EFCAB8: variants seen among roughly 807,000 people sequenced by gnomAD.
EFCAB8 encodes the protein EF-hand calcium-binding domain-containing protein 8.
A neutral mutation model predicts 116.3 loss-of-function variants in EFCAB8; 100 were observed. The ratio of observed to expected loss-of-function variants is 0.86; its 90% CI spans 0.73 to 1.02. EFCAB8 has a LOEUF of 1.02. Among genes scored for constraint, EFCAB8 ranks in the 50% least tolerant of loss-of-function variants. The pLI is 0.00. For synonymous variants in EFCAB8, 558 were observed against 567.9 expected (o/e 0.98, Z 0.25); for missense variants, 1,320 against 1,416.9 (o/e 0.93, Z 1.10).
chr20:32,950,015 A>C (rs1988751695), intron 23 of EFCAB8, among the ~76,000 whole-genome samples: 1 of 131,460 alleles, frequency 7.6e-6, no homozygotes, highest in African/African-American at 2.9e-5. Context: ...CAAACAAAAC[A>C]ACAAAACAAC....
At chr20:32,892,430 C>T in intron 8 of EFCAB8, 133 bp downstream of exon 8, 1 of 734,312 alleles carries the variant, frequency 1.4e-6, no homozygotes, top group Non-Finnish European at 2.2e-6. Flanking sequence ...CCACTGGCTC[C>T]AAGGCCCCTG....
At chr20:32,932,195 C>G (rs1017688435) in intron 22 of EFCAB8, among the ~76,000 whole-genome samples, 1 of 152,046 alleles carries the variant, frequency 6.6e-6, no homozygotes, top group Non-Finnish European at 1.5e-5. Context: ...CCTGGCCAAC[C>G]TGGTGAAACC....
intron 19 of EFCAB8, among the ~76,000 whole-genome samples, chr20:32,919,189 T>C (rs928985521): frequency 8.5e-5 from 13 of 152,296 alleles, no homozygotes; most frequent in Non-Finnish European, 1.9e-4. Context: ...CAACAATCAG[T>C]GCAATAATCT....
At position 32,863,910 on chromosome 20, in the gene EFCAB8, G is replaced by A. The variant is rs1984257073; in HGVS notation, c.42+76G>A. On this transcript the variant is annotated intron_variant, in intron 2 of 26. Coordinates refer to ENST00000400522, the MANE Select transcript of EFCAB8 (RefSeq NM_001143967.2). ...ACCCAAAACCTCACTTACCAGCATG[G>A]AAGTATAGGTGTTTCTGCATCGGGG... The A allele has an allele frequency of 2.0e-6, 3 of 1,491,250 alleles. No homozygotes were observed. The African/African-American group carries it at 4.2e-5, about 21-fold the overall frequency. The allele number at this position is 1,491,250 out of a possible 1,614,324, so 92.4% of individuals were successfully genotyped here.
At chr20:32,901,812 C>T (rs1441393266) in intron 11 of EFCAB8, among the ~76,000 whole-genome samples, 2 of 152,186 alleles carry the variant, frequency 1.3e-5, no homozygotes, top group African/African-American at 2.4e-5. Flanking sequence ...CTCAGCCTCC[C>T]AAGTAGCTGG....
At chr20:32,888,162 C>A (rs568005370) in intron 6 of EFCAB8, among the ~76,000 whole-genome samples, 1 of 151,992 alleles carries the variant, frequency 6.6e-6, no homozygotes, top group Non-Finnish European at 1.5e-5. Context: ...CTCCTGGGGT[C>A]AAGGGATCTT....
At chr20:32,948,677 G>C (rs1392732372) in intron 23 of EFCAB8, among the ~76,000 whole-genome samples, 1 of 152,020 alleles carries the variant, frequency 6.6e-6, no homozygotes, top group Non-Finnish European at 1.5e-5. Context: ...ATCCAGCAAT[G>C]ATCACATAGG....
chr20:32,876,405 T>C (rs1452262157), intron 4 of EFCAB8, among the ~76,000 whole-genome samples: 2 of 152,220 alleles, frequency 1.3e-5, no homozygotes, highest in African/African-American at 4.8e-5. Flanking sequence ...CACTCAGGAA[T>C]AGGCCAGCCT....
intron 23 of EFCAB8, among the ~76,000 whole-genome samples, chr20:32,951,274 A>G (rs1050178932): frequency 6.6e-6 from 1 of 152,198 alleles, no homozygotes; most frequent in Non-Finnish European, 1.5e-5. Flanking sequence ...CAAACTAGAA[A>G]CGATTCAAAT....
At chr20:32,904,244 C>T (rs1022781698) in intron 11 of EFCAB8, among the ~76,000 whole-genome samples, 5 of 138,798 alleles carry the variant, frequency 3.6e-5, no homozygotes, top group African/African-American at 8.1e-5. Flanking sequence ...CCTCCTGCCT[C>T]GACCTGCCAA....
At chr20:32,938,211 C>T (rs779620784) in intron 22 of EFCAB8, among the ~76,000 whole-genome samples, 5 of 149,638 alleles carry the variant, frequency 3.3e-5, no homozygotes, top group African/African-American at 5.0e-5. Flanking sequence ...AAACAAAAGC[C>T]ATATGATTAT....
At chr20:32,933,159 C>T (rs1434191451) in intron 22 of EFCAB8, among the ~76,000 whole-genome samples, 1 of 152,168 alleles carries the variant, frequency 6.6e-6, no homozygotes, top group African/African-American at 2.4e-5. Flanking sequence ...CTCGTCTAAG[C>T]TCCAGTAGCA....
intron 20 of EFCAB8, among the ~76,000 whole-genome samples, chr20:32,922,430 C>T (rs751710110): frequency 2.0e-5 from 3 of 152,136 alleles, no homozygotes; most frequent in Non-Finnish European, 1.5e-5. Context: ...CACAGGCATT[C>T]GCTACATGCC....
At chr20:32,891,971 G>A (rs1294373982) in intron 7 of EFCAB8, among the ~76,000 whole-genome samples, 1 of 152,102 alleles carries the variant, frequency 6.6e-6, no homozygotes. Context: ...TGGGATCATG[G>A]GCATGAGCCA....
At chr20:32,931,443 T>C in intron 22 of EFCAB8, 107 bp downstream of exon 22, 1 of 1,340,416 alleles carries the variant, frequency 7.5e-7, no homozygotes, top group Non-Finnish European at 9.8e-7. Flanking sequence ...TACTAAAAGA[T>C]AAGAGCAAAA....
At chr20:32,869,938 T>C (rs1408479555) in intron 3 of EFCAB8, among the ~76,000 whole-genome samples, 2 of 152,212 alleles carry the variant, frequency 1.3e-5, no homozygotes, top group Admixed American at 6.5e-5. Context: ...TGTAAAGATA[T>C]CCTTTGTGCC....
intron 1 of EFCAB8, among the ~76,000 whole-genome samples, 188 bp downstream of exon 1, chr20:32,859,194 C>G (rs1416959309): frequency 6.6e-6 from 1 of 152,200 alleles, no homozygotes; most frequent in Non-Finnish European, 1.5e-5. Context: ...TCATCCCTAG[C>G]ATGTTCCCCT....
At chr20:32,952,020 G>A (rs748277858) in intron 23 of EFCAB8, among the ~76,000 whole-genome samples, 10 of 152,248 alleles carry the variant, frequency 6.6e-5, no homozygotes, top group Non-Finnish European at 1.3e-4. Flanking sequence ...AGCACTTTGG[G>A]GGGCCAAAGT....
rs1568917346 is a variant in EFCAB8, at chr20:32,898,543, T to C, written c.1008T>C (p.Asn336=). 1.4e-6 allele frequency: 1 copy of C among 718,504 alleles called. No homozygotes were observed. The highest frequency in any genetic ancestry group is 1.5e-5 in the South Asian group (1 of 67,570). 44.5% of individuals were successfully genotyped at this position (718,504 alleles called of 1,614,324 possible). Residue 336 remains asparagine (N), a synonymous_variant, in exon 11 of 27, where the codon AAT becomes AAC. Coordinates refer to ENST00000400522, the MANE Select transcript of EFCAB8 (RefSeq NM_001143967.2). ...CEQVKFIPQM[N]VVVSCSAIEK... ...AGGTCAAGTTCATCCCCCAGATGAATGTGGTAGTCTCCTGTTCAGCCATCG... is the reference window on the plus strand; with the variant it reads ...AGGTCAAGTTCATCCCCCAGATGAACGTGGTAGTCTCCTGTTCAGCCATCG...
Sources: gnomAD v4.1 joint callset for allele counts (sites outside exome capture counted in the v4.1 genomes callset) on GRCh38, gnomAD v4.1.1 for gene constraint, MANE v1.5 for transcripts, NCBI Gene and HGNC (gene_info 2026-07-23, HGNC 2026-07-21) for gene names.